DYNC1I1: variants seen among roughly 807,000 people sequenced by gnomAD.
DYNC1I1 encodes the protein dynein cytoplasmic 1 intermediate chain 1.
A neutral mutation model predicts 86.6 loss-of-function variants in DYNC1I1; 43 were observed. The observed-to-expected ratio is 0.50, with a 90% confidence interval of 0.39 to 0.64. DYNC1I1 has a LOEUF of 0.64. Among genes scored for constraint, DYNC1I1 ranks in the 30% least tolerant of loss-of-function variants. DYNC1I1 has a pLI of 0.00. For missense variants in DYNC1I1, 604 were observed against 788.8 expected (o/e 0.77, Z 2.81); for synonymous variants, 262 against 283.7 (o/e 0.92, Z 0.77).
At chr7:95,894,616 A>G (rs1790830078) in intron 6 of DYNC1I1, among the ~76,000 whole-genome samples, 1 of 152,224 alleles carries the variant, frequency 6.6e-6, no homozygotes, top group Non-Finnish European at 1.5e-5. Context: ...TTTAAATTTT[A>G]AATCATTATA....
chr7:95,870,028 A>T lies in DYNC1I1; in HGVS notation c.490+30A>T, dbSNP rs369400455. 110 of 1,579,344 alleles carry T rather than the reference A, an allele frequency of 7.0e-5. No homozygotes were observed. In the African/African-American group the frequency reaches 1.4e-3, roughly 20 times the overall value. Reference sequence around the variant, plus strand: ...ACTATGTCTTTGGCTTACTTTCCATATTATCTCTGGAGAAATCGCTGGGAA... The same window carrying T: ...ACTATGTCTTTGGCTTACTTTCCATTTTATCTCTGGAGAAATCGCTGGGAA... On this transcript the variant is annotated intron_variant, in intron 6 of 16. Coordinates refer to ENST00000447467, the MANE Select transcript of DYNC1I1 (RefSeq NM_001135556.2).
At chr7:95,871,576 G>A (rs1451773524) in intron 6 of DYNC1I1, among the ~76,000 whole-genome samples, 2 of 152,104 alleles carry the variant, frequency 1.3e-5, no homozygotes, top group Non-Finnish European at 2.9e-5. Context: ...ATAGCATAAA[G>A]TTATACAACT....
intron 14 of DYNC1I1, among the ~76,000 whole-genome samples, chr7:96,065,388 T>TG (rs1789943480): frequency 6.7e-6 from 1 of 149,190 alleles, no homozygotes; most frequent in African/African-American, 2.5e-5. Context: ...CTTTTTTTTT[T>TG]TTTTTTTGAG....
intron 13 of DYNC1I1, 116 bp downstream of exon 13, chr7:96,035,868 CACG>C (rs1171381415): frequency 6.7e-7 from 1 of 1,499,092 alleles, no homozygotes. Flanking sequence ...AAATGGAAAG[CACG>C]ACTTCAACTC....
chr7:95,990,860 T>C (rs1793711903), intron 9 of DYNC1I1, among the ~76,000 whole-genome samples: 4 of 151,822 alleles, frequency 2.6e-5, no homozygotes, highest in Admixed American at 2.6e-4. Context: ...CAAAACCCCA[T>C]CTCTACAAAA....
chr7:95,936,956 T>TCTCTCTCACACACACACACACA (rs750834189), intron 6 of DYNC1I1, among the ~76,000 whole-genome samples: 25 of 134,188 alleles, frequency 1.9e-4, no homozygotes, highest in Non-Finnish European at 3.8e-4. Flanking sequence ...AGAATATGTC[T>TCTCTCTCACACACACACACACA]CACACACACA....
intron 5 of DYNC1I1, among the ~76,000 whole-genome samples, chr7:95,866,561 A>G (rs1790022949): frequency 1.3e-5 from 2 of 152,228 alleles, no homozygotes; most frequent in African/African-American, 4.8e-5. Flanking sequence ...TAAAATTGGA[A>G]TATGAGATAA....
At chr7:95,906,063 G>C (rs1029349136) in intron 6 of DYNC1I1, among the ~76,000 whole-genome samples, 2 of 152,076 alleles carry the variant, frequency 1.3e-5, no homozygotes, top group Admixed American at 1.3e-4. Context: ...TATTTTTTCT[G>C]GGAAAGACAG....
intron 16 of DYNC1I1, among the ~76,000 whole-genome samples, chr7:96,109,641 C>T (rs1791279560): frequency 1.3e-5 from 2 of 151,728 alleles, no homozygotes. Flanking sequence ...TCTTATTTTC[C>T]CTATAGGTTG....
At chr7:95,787,240 T>G (rs1445022127) in intron 1 of DYNC1I1, among the ~76,000 whole-genome samples, 3 of 152,208 alleles carry the variant, frequency 2.0e-5, no homozygotes, top group Non-Finnish European at 4.4e-5. Context: ...TATTCTGAAC[T>G]CTGCTGAGAA....
intron 11 of DYNC1I1, among the ~76,000 whole-genome samples, chr7:96,029,388 G>C (rs1030825702): frequency 5.9e-5 from 9 of 152,156 alleles, no homozygotes; most frequent in African/African-American, 2.2e-4. Context: ...TGGTGAAGTA[G>C]TGTGAAACCA....
At chr7:95,788,810 A>G (rs924570429) in intron 1 of DYNC1I1, among the ~76,000 whole-genome samples, 3 of 152,196 alleles carry the variant, frequency 2.0e-5, no homozygotes, top group African/African-American at 7.2e-5. Flanking sequence ...GTACCATTCA[A>G]TAAAGGAATG....
chr7:95,865,588 C>T (rs954837637), intron 5 of DYNC1I1, among the ~76,000 whole-genome samples: 2 of 152,162 alleles, frequency 1.3e-5, no homozygotes, highest in Non-Finnish European at 2.9e-5. Flanking sequence ...GGTCATGTGT[C>T]ACATAATGAT....
At chr7:95,984,680 A>C (rs1405354884) in intron 7 of DYNC1I1, 135 bp from the exon 8 acceptor site, 2 of 751,576 alleles carry the variant, frequency 2.7e-6, no homozygotes, top group East Asian at 6.1e-5. Flanking sequence ...CAATATTAGC[A>C]ATGATTTGTT....
chr7:96,104,452 C>G (rs1791184828), intron 16 of DYNC1I1, among the ~76,000 whole-genome samples: 1 of 152,024 alleles, frequency 6.6e-6, no homozygotes, highest in Non-Finnish European at 1.5e-5. Flanking sequence ...TGCCACAGGT[C>G]ACAAAGATAT....
intron 16 of DYNC1I1, among the ~76,000 whole-genome samples, chr7:96,105,826 T>C (rs928760436): frequency 1.3e-5 from 2 of 152,170 alleles, no homozygotes; most frequent in Non-Finnish European, 2.9e-5. Context: ...TTAATAGAAA[T>C]AGGAGATTCT....
intron 7 of DYNC1I1, among the ~76,000 whole-genome samples, chr7:95,981,554 G>T (rs755327438): frequency 2.6e-5 from 4 of 151,838 alleles, no homozygotes; most frequent in Non-Finnish European, 5.9e-5. Context: ...TTAAATTTTG[G>T]TAACTTTGAA....
At chr7:95,889,693 A>G (rs533411998) in intron 6 of DYNC1I1, among the ~76,000 whole-genome samples, 66 of 152,294 alleles carry the variant, frequency 4.3e-4, no homozygotes, top group African/African-American at 1.5e-3. Flanking sequence ...ACTATTCATC[A>G]TCTGACAAAG....
At chr7:95,852,155 G>A (rs1175781668) in intron 5 of DYNC1I1, among the ~76,000 whole-genome samples, 1 of 152,044 alleles carries the variant, frequency 6.6e-6, no homozygotes, top group Non-Finnish European at 1.5e-5. Context: ...TTTGATTGGA[G>A]ACTTCTTTAT....
Sources: gnomAD v4.1 joint callset for allele counts (sites outside exome capture counted in the v4.1 genomes callset) on GRCh38, gnomAD v4.1.1 for gene constraint, MANE v1.5 for transcripts, NCBI Gene and HGNC (gene_info 2026-07-23, HGNC 2026-07-21) for gene names.